STX1A: variants seen among roughly 807,000 people sequenced by gnomAD.
STX1A encodes the protein syntaxin 1A.
A neutral mutation model predicts 37.8 loss-of-function variants in STX1A; 4 were observed. That is an observed-to-expected ratio of 0.11 (90% CI 0.05 to 0.24). STX1A has a LOEUF of 0.24. STX1A is among the 10% of genes least tolerant of loss of function. STX1A has a pLI of 1.00. For missense variants in STX1A, 251 were observed against 399.9 expected (o/e 0.63, Z 3.18); for synonymous variants, 135 against 147.4 (o/e 0.92, Z 0.61).
Position 73,704,335 on chromosome 7 carries a change from AC to A in STX1A, c.357+14del. 1 of 1,613,824 alleles carries A rather than the reference AC, an allele frequency of 6.2e-7. No individual in the cohort carries two copies. Among genetic ancestry groups the A allele is most frequent in the South Asian group, 1.1e-5 (1 of 91,060 alleles). The stretch of plus-strand genomic sequence containing the variant: ...AGACTCAGGTGCCCGCCCATCCTAG[AC>A]TCCGTGGCCGCACCTGTGTCTTCCG... On this transcript the variant is annotated intron_variant, in intron 5 of 9. Transcript: ENST00000222812.
At chr7:73,703,647 C>T in intron 7 of STX1A, 108 bp downstream of exon 7, 1 of 1,319,602 alleles carries the variant, frequency 7.6e-7, no homozygotes, top group South Asian at 1.3e-5. Context: ...TAAAACCTGC[C>T]TTACAAGGGG....
chr7:73,702,836 G>A lies in STX1A; in HGVS notation c.678+9C>T, dbSNP rs782405673. 2.2e-5 allele frequency: 35 copies of A among 1,613,680 alleles called. No homozygotes were observed. The highest frequency in any genetic ancestry group is 3.3e-5 in the Admixed American group (2 of 60,008). On this transcript the variant is annotated intron_variant, in intron 8 of 9. Transcript: ENST00000222812. The surrounding 1 kb of genome is among the most constrained non-coding windows in gnomAD (Gnocchi z 4.7). Reference sequence around the variant, plus strand: ...GCTGGAGTGGAGGGCAGGGGGGCCCGGCACTCACCTGGCTCTCCACGAGCA... The same window carrying A: ...GCTGGAGTGGAGGGCAGGGGGGCCCAGCACTCACCTGGCTCTCCACGAGCA...
At chr7:73,718,098 C>T (rs1799353843) in intron 1 of STX1A, among the ~76,000 whole-genome samples, 1 of 152,158 alleles carries the variant, frequency 6.6e-6, no homozygotes, top group Non-Finnish European at 1.5e-5. Context: ...ACACAGCCAT[C>T]CGTCACCAGG....
At chr7:73,708,741 T>C (rs1798981779) in intron 2 of STX1A, 53 bp from the exon 3 acceptor site, 1 of 1,578,218 alleles carries the variant, frequency 6.3e-7, no homozygotes, top group Non-Finnish European at 8.6e-7. Flanking sequence ...AGAAGCCTTC[T>C]GGGGCCCAGA....
chr7:73,700,865 T>C lies in STX1A; in HGVS notation c.679-25A>G. Reference sequence around the variant, plus strand: ...CCTGCGGGGCCGGGGGCACCCGAGCTCCAGAGGGCCCCCTCCTCAGGGTTG... The same window carrying C: ...CCTGCGGGGCCGGGGGCACCCGAGCCCCAGAGGGCCCCCTCCTCAGGGTTG... On this transcript the variant is annotated intron_variant, in intron 8 of 9. Transcript: ENST00000222812. This position sits in a 1 kb window ranked among gnomAD's most constrained non-coding sequence, Gnocchi z 4.4. The C allele has an allele frequency of 6.2e-7, 1 of 1,611,212 alleles. No individual in the cohort carries two copies. The highest frequency in any genetic ancestry group is 8.5e-7 in the Non-Finnish European group (1 of 1,179,864).
At chr7:73,716,304 G>A (rs1243277823) in intron 1 of STX1A, among the ~76,000 whole-genome samples, 7 of 152,252 alleles carry the variant, frequency 4.6e-5, no homozygotes, top group Admixed American at 3.3e-4. Flanking sequence ...GAGGAAATGA[G>A]CAGAGGGAGA....
chr7:73,700,745 C>G lies in STX1A; in HGVS notation c.774G>C (p.Gln258His). The G allele has an allele frequency of 6.2e-7, 1 of 1,613,796 alleles. No homozygotes were observed. Among genetic ancestry groups the G allele is most frequent in the Non-Finnish European group, 8.5e-7 (1 of 1,179,972 alleles). Residue 258 changes from glutamine (Q) to histidine (H), a missense_variant, in exon 9 of 10, where the codon CAG becomes CAC. By Grantham distance (24) the Gln-to-His change is conservative. Around this residue, in one of 2 missense-constraint regions of STX1A, gnomAD observed 214 missense variants for 367.6 expected, o/e 0.58. Coordinates refer to ENST00000222812, the MANE Select transcript of STX1A (RefSeq NM_004603.4). This position sits in a 1 kb window ranked among gnomAD's most constrained non-coding sequence, Gnocchi z 4.4. ...GGCTACTGACCCGGCGCGCCTTGCT[C>G]TGGTACTTGACGGCCTTCTTGGTGT... ...VSDTKKAVKYQSKARRKKIMI... is the reference protein window; with the variant it reads ...VSDTKKAVKYHSKARRKKIMI...
chr7:73,711,726 T>C (rs1175084977), intron 1 of STX1A, among the ~76,000 whole-genome samples: 1 of 152,106 alleles, frequency 6.6e-6, no homozygotes, highest in Non-Finnish European at 1.5e-5. Flanking sequence ...CTCTCTGCCC[T>C]GGTGCTCAGA....
rs1450343316 is a variant in STX1A at position 73,702,831 on chromosome 7, G to T, written c.678+14C>A. The T allele has an allele frequency of 1.2e-6, 2 of 1,613,858 alleles. No individual in the cohort carries two copies. The highest frequency in any genetic ancestry group is 1.7e-5 in the Admixed American group (1 of 60,020). ...TGTGGGCTGGAGTGGAGGGCAGGGG[G>T]GCCCGGCACTCACCTGGCTCTCCAC... is the stretch of plus-strand genomic sequence containing the variant. On this transcript the variant is annotated intron_variant, in intron 8 of 9. Transcript: ENST00000222812. This position sits in a 1 kb window ranked among gnomAD's most constrained non-coding sequence, Gnocchi z 4.7.
chr7:73,702,713 A>G lies in STX1A; in HGVS notation c.678+132T>C, dbSNP rs1563568255. ...GCAGGGCCCTGGCGGCAGTTTCAAC[A>G]GCGGGTGATTGGTTACCTGAGAACT... On this transcript the variant is annotated intron_variant, in intron 8 of 9. Coordinates refer to ENST00000222812, the MANE Select transcript of STX1A (RefSeq NM_004603.4). This position sits in a 1 kb window ranked among gnomAD's most constrained non-coding sequence, Gnocchi z 4.7. 3.9e-6 allele frequency: 6 copies of G among 1,541,618 alleles called. No homozygotes were observed. Among genetic ancestry groups the G allele is most frequent in the Non-Finnish European group, 5.3e-6 (6 of 1,140,644 alleles).
Position 73,703,041 on chromosome 7 carries a change from C to A in STX1A, c.541-59G>T. ...GCTTGCTGAGGGGCAGGGCAGAGGG[C>A]CGAGGGGGAGGGCGTTTGGGGTGGG... On this transcript the variant is annotated intron_variant, in intron 7 of 9. Coordinates refer to ENST00000222812, the MANE Select transcript of STX1A (RefSeq NM_004603.4). The A allele has an allele frequency of 2.9e-6, 4 of 1,396,874 alleles. No homozygotes were observed. In the South Asian group the frequency reaches 5.4e-5, roughly 19 times the overall value. 86.5% of individuals were successfully genotyped at this position (1,396,874 alleles called of 1,614,324 possible).
At chr7:73,703,732 G>A (rs994960396) in intron 7 of STX1A, 23 bp downstream of exon 7, 2 of 1,609,814 alleles carry the variant, frequency 1.2e-6, no homozygotes, top group Non-Finnish European at 1.7e-6. Context: ...GGTCATGGCA[G>A]GAGGGATGGG....
rs1043339396 is a variant in STX1A at position 73,706,344 on chromosome 7, C to T, written c.209-1120G>A. Among the ~76,000 whole-genome samples the T allele has an allele frequency of 9.2e-5, 14 of 152,196 alleles. No homozygotes were observed. The highest frequency in any genetic ancestry group is 3.3e-4 in the Admixed American group (5 of 15,282). On this transcript the variant is annotated intron_variant, in intron 3 of 9. Transcript: ENST00000222812. The surrounding 1 kb of genome is among the most constrained non-coding windows in gnomAD (Gnocchi z 4.6). ...TTACCAGCTGCTCTGACGTCTCAGC[C>T]TCTTTTGCTCAGACCCAAAATAGCC... is the stretch of plus-strand genomic sequence containing the variant.
chr7:73,710,092 C>G (rs964397389), intron 1 of STX1A, among the ~76,000 whole-genome samples: 2 of 152,198 alleles, frequency 1.3e-5, no homozygotes, highest in Non-Finnish European at 2.9e-5. Context: ...GACCTGGGCC[C>G]AGCAGGCACA....
rs2229854 is a variant in STX1A at position 73,708,647 on chromosome 7, G to A, written c.150C>T (p.Asn50=). 0.086 allele frequency: 138,560 copies of A among 1,613,994 alleles called. 6,319 individuals carry two copies. The highest frequency in any genetic ancestry group is 0.1 in the Middle Eastern group (616 of 6,062). Residue 50 remains asparagine, a synonymous_variant, in exon 3 of 10, where the codon AAC becomes AAT. Coordinates refer to ENST00000222812, the MANE Select transcript of STX1A (RefSeq NM_004603.4). ...TGTGCTTCCGCTTCACCTCCTCCAC[G>A]TTCTCTGCGATCTTGTCAATGAAGC... is the stretch of plus-strand genomic sequence containing the variant. ...IRGFIDKIAE[N]VEEVKRKHSA...
rs1398146656 is a variant in STX1A at position 73,714,400 on chromosome 7, G to A, written c.30+5202C>T. 7.9e-5 allele frequency among the ~76,000 whole-genome samples: 12 copies of A among 151,724 alleles called. No individual in the cohort carries two copies. The South Asian group carries it at 1.5e-3, about 18-fold the overall frequency. On this transcript the variant is annotated intron_variant, in intron 1 of 9. Coordinates refer to ENST00000222812, the MANE Select transcript of STX1A (RefSeq NM_004603.4). Reference sequence around the variant, plus strand: ...TAGGATTACAGGCGTAAGCCACCGCGCCCAGCTCTTTTTTTTTTGAAACAG... The same window carrying A: ...TAGGATTACAGGCGTAAGCCACCGCACCCAGCTCTTTTTTTTTTGAAACAG...
In STX1A at chr7:73,719,663, G is replaced by C; in HGVS notation, c.-32C>G. 1 of 1,172,004 alleles carries C rather than the reference G, an allele frequency of 8.5e-7. No individual in the cohort carries two copies. Among genetic ancestry groups the C allele is most frequent in the South Asian group, 4.2e-5 (1 of 23,778 alleles). The allele number at this position is 1,172,004 out of a possible 1,614,324, so 72.6% of individuals were successfully genotyped here. The stretch of plus-strand genomic sequence containing the variant: ...GGGAGTGGCAGCGGCGCCGGCTGCA[G>C]CCGTGTGAGCCCCGCATGCGCGACG... On this transcript the variant is annotated 5_prime_UTR_variant, in exon 1 of 10. Transcript: ENST00000222812.
rs1798586824 is a variant in STX1A at position 73,700,026 on chromosome 7, A to C, written c.*381T>G. 1 of 322,928 alleles carries C rather than the reference A, an allele frequency of 3.1e-6. No individual in the cohort carries two copies. The highest frequency in any genetic ancestry group is 6.0e-6 in the Non-Finnish European group (1 of 167,416). The allele number at this position is 322,928 out of a possible 1,614,324, so 20.0% of individuals were successfully genotyped here. ...CTGCTTGTGGGGACAGCTGGAGAGG[A>C]CAGGGCAGGTCAGCTGGAGGCGAGG... On this transcript the variant is annotated 3_prime_UTR_variant, in exon 10 of 10. Transcript: ENST00000222812. The surrounding 1 kb of genome is among the most constrained non-coding windows in gnomAD (Gnocchi z 4.4).
rs1799428339 is a variant in STX1A, at chr7:73,719,656, G to T, written c.-25C>A. On this transcript the variant is annotated 5_prime_UTR_variant, in exon 1 of 10. Transcript: ENST00000222812. Reference sequence around the variant, plus strand: ...TGCTCCCGGGAGTGGCAGCGGCGCCGGCTGCAGCCGTGTGAGCCCCGCATG... The same window carrying T: ...TGCTCCCGGGAGTGGCAGCGGCGCCTGCTGCAGCCGTGTGAGCCCCGCATG... 3 of 1,180,566 alleles carry T rather than the reference G, an allele frequency of 2.5e-6. No homozygotes were observed. The highest frequency in any genetic ancestry group is 3.2e-6 in the Non-Finnish European group (3 of 951,842). The allele number at this position is 1,180,566 out of a possible 1,614,324, so 73.1% of individuals were successfully genotyped here. A position where few individuals can be genotyped will look rare whatever the true frequency, so the allele number is the denominator to read the frequency against.
Sources: allele counts gnomAD v4.1 joint callset (sites outside exome capture counted in the v4.1 genomes callset), GRCh38; gene constraint gnomAD v4.1.1; regional missense constraint gnomAD v4.1.1; non-coding constraint Gnocchi (gnomAD v3.1); transcripts MANE v1.5; gene names NCBI Gene and HGNC (gene_info 2026-07-23, HGNC 2026-07-21).